KIAA0232: variants seen among roughly 807,000 people sequenced by gnomAD.
KIAA0232 encodes uncharacterized protein KIAA0232.
In KIAA0232, 27 loss-of-function variants were observed where a neutral mutation model predicts 122.0. The observed-to-expected ratio is 0.22, with a 90% CI of 0.16 to 0.31. KIAA0232 has a LOEUF of 0.31. Among genes scored for constraint, KIAA0232 ranks in the 10% least tolerant of loss-of-function variants. KIAA0232 has a pLI of 1.00. For missense variants in KIAA0232, 1,551 were observed against 1,634.2 expected (o/e 0.95, Z 0.88); for synonymous variants, 613 against 587.6 (o/e 1.04, Z -0.63).
intron 1 of KIAA0232, among the ~76,000 whole-genome samples, chr4:6,790,017 A>C (rs1716818710): frequency 6.6e-6 from 1 of 152,136 alleles, no homozygotes; most frequent in African/African-American, 2.4e-5. Context: ...TGACTGAGCG[A>C]GACCCTGTCT....
At position 6,882,854 on chromosome 4, in the gene KIAA0232, A is replaced by G. The variant is rs1308779328; in HGVS notation, c.*1888A>G. The G allele has an allele frequency of 1.3e-5, 2 of 152,680 alleles. No homozygotes were observed. The highest frequency in any genetic ancestry group is 1.9e-4 in the East Asian group (1 of 5,204). 9.5% of individuals were successfully genotyped at this position (152,680 alleles called of 1,614,324 possible). A position where few individuals can be genotyped will look rare whatever the true frequency, so the allele number is the denominator to read the frequency against. ...CACTACAGTGACGATTATTCTAGAA[A>G]TCGTTGCTTGTGTAGCAAAGACCAA... On this transcript the variant is annotated 3_prime_UTR_variant, in exon 10 of 10. Coordinates refer to ENST00000307659, the MANE Select transcript of KIAA0232 (RefSeq NM_014743.3).
chr4:6,879,465 A>G (rs1412468903), intron 9 of KIAA0232, among the ~76,000 whole-genome samples: 2 of 152,012 alleles, frequency 1.3e-5, no homozygotes, highest in African/African-American at 4.8e-5. Context: ...ACGCCTCTAC[A>G]GCCCTGTATG....
chr4:6,862,864 A>G lies in KIAA0232; in HGVS notation c.2482A>G (p.Ile828Val). 1 of 1,614,246 alleles carries G rather than the reference A, an allele frequency of 6.2e-7. No homozygotes were observed. The highest frequency in any genetic ancestry group is 8.5e-7 in the Non-Finnish European group (1 of 1,180,032). ...DGYSSGVIKD[I>V]WTKMADTNSV... ...CTACAGCTCAGGGGTTATTAAAGAC[A>G]TTTGGACAAAGATGGCAGACACAAA... is the stretch of plus-strand genomic sequence containing the variant. The change falls in exon 7 of 10, where the codon ATT (isoleucine) becomes GTT (valine). Residue 828 changes from isoleucine to valine, a missense_variant. Ile to Val is a conservative substitution (Grantham distance 29, BLOSUM62 3). Around this residue, in one of 5 missense-constraint regions of KIAA0232, gnomAD observed 1,108 missense variants for 1,154.8 expected, o/e 0.96. Transcript: ENST00000307659.
At chr4:6,878,528 ACTC>A (rs1412141095) in intron 9 of KIAA0232, among the ~76,000 whole-genome samples, 18 of 152,132 alleles carry the variant, frequency 1.2e-4, no homozygotes, top group African/African-American at 4.1e-4. Context: ...AGGAGGAAAT[ACTC>A]CTCAAGACAA....
chr4:6,823,556 AATTG>A, intron 2 of KIAA0232, among the ~76,000 whole-genome samples: 1 of 152,308 alleles, frequency 6.6e-6, no homozygotes, highest in South Asian at 2.1e-4. Flanking sequence ...CTTACAAAGT[AATTG>A]ATTACTTATA....
At chr4:6,880,012 G>C (rs10804989) in intron 9 of KIAA0232, among the ~76,000 whole-genome samples, 411 of 3,540 alleles carry the variant, frequency 0.12, 82 homozygotes, top group Middle Eastern at 0.5. Context: ...CTGTAGTGTC[G>C]CCTCACCATC....
intron 2 of KIAA0232, among the ~76,000 whole-genome samples, chr4:6,813,755 ACTTTCATTTAAAAATTTAG>A (rs1717988987): frequency 6.6e-6 from 1 of 152,110 alleles, no homozygotes; most frequent in African/African-American, 2.4e-5. Context: ...ATAATTAAAT[ACTTTCATTTAAAAATTTAG>A]TTAAGTCCCT....
chr4:6,864,206 T>A, intron 7 of KIAA0232, 23 bp downstream of exon 7: 1 of 1,574,100 alleles, frequency 6.4e-7, no homozygotes, highest in South Asian at 1.2e-5. Flanking sequence ...GTGTTGGTAT[T>A]TGACAAAAGG....
Position 6,864,051 on chromosome 4 carries a change from A to G in KIAA0232, c.3669A>G (p.Leu1223=), listed in dbSNP as rs529281566. 1 of 1,614,214 alleles carries G rather than the reference A, an allele frequency of 6.2e-7. No individual in the cohort carries two copies. The highest frequency in any genetic ancestry group is 1.3e-5 in the African/African-American group (1 of 75,076). The part of the protein sequence containing the change: ...CSMNESLEID[L]ESSEANCKIM... ...TGAATGAATCCCTGGAAATAGATTT[A>G]GAAAGCTCAGAAGCAAATTGTAAAA... Residue 1223 remains leucine (L), a synonymous_variant, in exon 7 of 10, where the codon TTA becomes TTG. Transcript: ENST00000307659.
At chr4:6,794,330 T>G (rs1717038434) in intron 1 of KIAA0232, among the ~76,000 whole-genome samples, 1 of 152,214 alleles carries the variant, frequency 6.6e-6, no homozygotes, top group Non-Finnish European at 1.5e-5. Flanking sequence ...GATGGAAGCA[T>G]GGCTTGGTGT....
chr4:6,827,708 A>C (rs2109051054), intron 3 of KIAA0232, among the ~76,000 whole-genome samples: 1 of 152,336 alleles, frequency 6.6e-6, no homozygotes, highest in East Asian at 1.9e-4. Context: ...AGCTGATCAG[A>C]TCCTAGTCTT....
In KIAA0232 at chr4:6,861,853, C is replaced by T. The variant is rs764278291; in HGVS notation, c.1471C>T (p.Leu491=). 1 of 1,614,056 alleles carries T rather than the reference C, an allele frequency of 6.2e-7. No individual in the cohort carries two copies. Among genetic ancestry groups the T allele is most frequent in the East Asian group, 2.2e-5 (1 of 44,880 alleles). The change falls in exon 7 of 10, where the codon CTA becomes TTA. Residue 491 remains leucine, a synonymous_variant. Transcript: ENST00000307659. ...CCTCACTGGGACCTCATTATGTTCTCTACCAGAGGACAATAAATACCTGGA... is the reference window on the plus strand; with the variant it reads ...CCTCACTGGGACCTCATTATGTTCTTTACCAGAGGACAATAAATACCTGGA... The part of the protein sequence containing the change: ...IDLTGTSLCS[L]PEDNKYLDDI...
intron 2 of KIAA0232, among the ~76,000 whole-genome samples, chr4:6,807,606 C>G (rs1264303179): frequency 1.3e-5 from 2 of 152,228 alleles, no homozygotes; most frequent in Non-Finnish European, 2.9e-5. Flanking sequence ...TAGGGTAAAC[C>G]GGTTTACATA....
chr4:6,862,249 C>T lies in KIAA0232; in HGVS notation c.1867C>T (p.Leu623Phe). The T allele has an allele frequency of 6.2e-7, 1 of 1,614,182 alleles. No homozygotes were observed. Among genetic ancestry groups the T allele is most frequent in the Non-Finnish European group, 8.5e-7 (1 of 1,180,034 alleles). The change falls in exon 7 of 10, where the codon CTC becomes TTC. Residue 623 changes from leucine (L) to phenylalanine (F), a missense_variant. Physicochemically the swap from Leu to Phe is conservative, Grantham distance 22. Transcript: ENST00000307659. ...RLSPILDSTV[L>F]NSHLLAGNQE... ...CTCTCCCATCTTAGACAGCACAGTG[C>T]TCAATTCACACCTGCTTGCTGGCAA...
At chr4:6,849,241 A>G (rs1303689510) in intron 4 of KIAA0232, among the ~76,000 whole-genome samples, 1 of 152,166 alleles carries the variant, frequency 6.6e-6, no homozygotes, top group Non-Finnish European at 1.5e-5. Flanking sequence ...GTTTTCGAAG[A>G]TGGAACTGTC....
chr4:6,821,367 C>T (rs1383359442), intron 2 of KIAA0232, among the ~76,000 whole-genome samples: 1 of 152,064 alleles, frequency 6.6e-6, no homozygotes, highest in Non-Finnish European at 1.5e-5. Context: ...TTATCTCTTA[C>T]CCGTCTCCCA....
chr4:6,827,827 T>C (rs1718772983), intron 3 of KIAA0232, among the ~76,000 whole-genome samples: 1 of 152,152 alleles, frequency 6.6e-6, no homozygotes, highest in African/African-American at 2.4e-5. Flanking sequence ...CCTTGTAATA[T>C]GGAGATACGG....
chr4:6,864,737 CAA>C (rs59573520), intron 7 of KIAA0232, among the ~76,000 whole-genome samples: 75 of 70,292 alleles, frequency 1.1e-3, no homozygotes, highest in South Asian at 5.3e-3. Flanking sequence ...GACTCCATCT[CAA>C]AAAAAAAAAA....
intron 8 of KIAA0232, among the ~76,000 whole-genome samples, chr4:6,876,433 T>G (rs1345163594): frequency 1.3e-5 from 2 of 152,236 alleles, no homozygotes; most frequent in Non-Finnish European, 1.5e-5. Flanking sequence ...CCTATTTCTT[T>G]TTTTAACTCA....
Sources: allele counts gnomAD v4.1 joint callset (sites outside exome capture counted in the v4.1 genomes callset), GRCh38; gene constraint gnomAD v4.1.1; regional missense constraint gnomAD v4.1.1; transcripts MANE v1.5; gene names NCBI Gene and HGNC (gene_info 2026-07-23, HGNC 2026-07-21).